TLK1: variants seen among roughly 807,000 people sequenced by gnomAD.
TLK1 encodes serine/threonine-protein kinase tousled-like 1.
TLK1 carries 24 observed loss-of-function variants against 105.3 expected under a neutral mutation model. That is an observed-to-expected ratio of 0.23 (90% confidence interval 0.17 to 0.32). The LOEUF (loss-of-function observed/expected upper bound fraction) is 0.32. Ranked by LOEUF, TLK1 falls within the 10% of genes least tolerant of loss-of-function variation. The pLI is 1.00. For missense variants in TLK1, 558 were observed against 910.5 expected, an observed-to-expected ratio of 0.61 and a Z score of 4.98; for synonymous variants, 321 against 310.4, an observed-to-expected ratio of 1.03 and a Z score of -0.36.
chr2:171,111,585 CAAA>C (rs34969114), intron 2 of TLK1, among the ~76,000 whole-genome samples: 12 of 113,868 alleles, frequency 1.1e-4, no homozygotes, highest in Admixed American at 4.5e-4. Flanking sequence ...ATCCTGTATT[CAAA>C]AAAAAAAAAA....
chr2:171,063,084 GC>G (rs1246341164), intron 3 of TLK1, among the ~76,000 whole-genome samples: 5 of 152,130 alleles, frequency 3.3e-5, no homozygotes. Flanking sequence ...AGTGACTCAT[GC>G]CTGCAATCTC....
chr2:171,162,394 C>T (rs929614223), upstream of TLK1, among the ~76,000 whole-genome samples: 3 of 152,064 alleles, frequency 2.0e-5, no homozygotes, highest in African/African-American at 7.2e-5. Flanking sequence ...AAAAATTAGC[C>T]GGGTGTAGCG....
chr2:171,097,681 T>G (rs1689506644), intron 2 of TLK1, among the ~76,000 whole-genome samples: 1 of 152,052 alleles, frequency 6.6e-6, no homozygotes, highest in South Asian at 2.1e-4. Flanking sequence ...TCCCAGTACT[T>G]TGGGAGGCTG....
intron 1 of TLK1, among the ~76,000 whole-genome samples, chr2:171,203,312 A>G (rs890227967): frequency 6.6e-6 from 1 of 152,140 alleles, no homozygotes; most frequent in African/African-American, 2.4e-5. Context: ...TCATCTCGTA[A>G]AACTAAAACT....
chr2:171,131,082 T>G (rs1691088251), intron 1 of TLK1, among the ~76,000 whole-genome samples: 1 of 151,810 alleles, frequency 6.6e-6, no homozygotes. Flanking sequence ...TCTATATATA[T>G]AGATAGATGC....
At chr2:171,122,374 A>C (rs1690689567) in intron 1 of TLK1, among the ~76,000 whole-genome samples, 1 of 152,218 alleles carries the variant, frequency 6.6e-6, no homozygotes, top group South Asian at 2.1e-4. Flanking sequence ...CTTGCTACTT[A>C]AACTACAGTG....
intron 1 of TLK1, among the ~76,000 whole-genome samples, chr2:171,139,608 A>AAAC (rs545847770): frequency 4.3e-4 from 66 of 152,084 alleles, no homozygotes; most frequent in East Asian, 5.8e-4. Flanking sequence ...ACAAACAAAC[A>AAAC]AACAACAACA....
intron 4 of TLK1, among the ~76,000 whole-genome samples, 174 bp downstream of exon 4, chr2:171,060,907 C>T (rs1687719722): frequency 6.6e-6 from 1 of 152,226 alleles, no homozygotes; most frequent in South Asian, 2.1e-4. Context: ...CAAATGAAAA[C>T]AATAAGGGCA....
Position 171,006,197 on chromosome 2 carries a change from G to A in TLK1, c.1854C>T (p.Ser618=). 2.5e-6 allele frequency: 4 copies of A among 1,611,246 alleles called. No homozygotes were observed. Among genetic ancestry groups the A allele is most frequent in the Non-Finnish European group, 3.4e-6 (4 of 1,178,818 alleles). ...FGLSKIMDDD[S]YGVDGMDLTS... ...TTAGATCCATTCCATCTACACCATA[G>A]CTATCATCATCCATAATCTTGGACA... The change falls in exon 18 of 21, where the codon AGC becomes AGT. Residue 618 remains serine, a synonymous_variant. Coordinates refer to ENST00000431350, the MANE Select transcript of TLK1 (RefSeq NM_012290.5).
chr2:171,094,735 A>G (rs1245058608), intron 2 of TLK1, among the ~76,000 whole-genome samples: 1 of 152,036 alleles, frequency 6.6e-6, no homozygotes, highest in Non-Finnish European at 1.5e-5. Flanking sequence ...CAGCCTCCCG[A>G]GTAGCTGCGA....
intron 18 of TLK1, among the ~76,000 whole-genome samples, chr2:170,998,506 C>T (rs1173852878): frequency 6.6e-6 from 1 of 152,168 alleles, no homozygotes; most frequent in East Asian, 1.9e-4. Flanking sequence ...TCCCTAATCA[C>T]TCCAATTACT....
At chr2:171,052,093 C>G (rs192546597) in intron 8 of TLK1, among the ~76,000 whole-genome samples, 1 of 152,014 alleles carries the variant, frequency 6.6e-6, no homozygotes, top group Admixed American at 6.5e-5. Context: ...ACTCCCAGCT[C>G]TACAAAATAA....
chr2:171,152,748 G>A (rs746313116), intron 1 of TLK1, among the ~76,000 whole-genome samples: 3 of 152,110 alleles, frequency 2.0e-5, no homozygotes, highest in Non-Finnish European at 4.4e-5. Flanking sequence ...CTGACAGTGG[G>A]AAGTTTTTTG....
rs988338476 is a variant in TLK1, at chr2:171,120,372, G to GA, written c.140-2516dup. Reference sequence around the variant, plus strand: ...GAGTGAGACGGCAACCCACAGAATGGAAAAAATATCTGAAAATTATATATC... The same window carrying GA: ...GAGTGAGACGGCAACCCACAGAATGGAAAAAAATATCTGAAAATTATATATC... On this transcript the variant is annotated intron_variant, in intron 1 of 20. Coordinates refer to ENST00000431350, the MANE Select transcript of TLK1 (RefSeq NM_012290.5). Among the ~76,000 whole-genome samples the GA allele has an allele frequency of 2.6e-5, 4 of 151,276 alleles. No homozygotes were observed. The East Asian group carries it at 5.8e-4, about 22-fold the overall frequency.
chr2:171,002,067 G>A (rs35864840), intron 18 of TLK1, among the ~76,000 whole-genome samples: 32,562 of 152,016 alleles, frequency 0.21, 3,979 homozygotes, highest in Non-Finnish European at 0.28. Flanking sequence ...ATGAGCCACC[G>A]CGCCTGGCCT....
intron 8 of TLK1, among the ~76,000 whole-genome samples, chr2:171,053,039 C>A (rs866731871): frequency 6.6e-6 from 1 of 152,188 alleles, no homozygotes; most frequent in Non-Finnish European, 1.5e-5. Flanking sequence ...GGGGTAAGAA[C>A]TGCTGCTTTA....
intron 1 of TLK1, among the ~76,000 whole-genome samples, chr2:171,194,264 T>C (rs1426745956): frequency 1.3e-5 from 2 of 152,336 alleles, no homozygotes; most frequent in East Asian, 3.9e-4. Context: ...ATTTGTGGAC[T>C]GTACAACCCA....
chr2:171,092,092 C>T (rs1689263160), intron 2 of TLK1, among the ~76,000 whole-genome samples: 1 of 151,938 alleles, frequency 6.6e-6, no homozygotes. Context: ...GTTTCTGTTG[C>T]TTCATCACCC....
intron 1 of TLK1, among the ~76,000 whole-genome samples, chr2:171,186,841 C>T (rs1294640246): frequency 7.9e-5 from 12 of 151,792 alleles, no homozygotes; most frequent in Non-Finnish European, 1.2e-4. Flanking sequence ...GGGTGGATCA[C>T]GAGGTCAGGA....
Sources: gnomAD v4.1 joint callset for allele counts (sites outside exome capture counted in the v4.1 genomes callset) on GRCh38, gnomAD v4.1.1 for gene constraint, MANE v1.5 for transcripts, NCBI Gene and HGNC (gene_info 2026-07-23, HGNC 2026-07-21) for gene names.